AP4E1: variants seen among roughly 807,000 people sequenced by gnomAD.
The protein encoded by AP4E1 is AP-4 complex subunit epsilon-1.
AP4E1 carries 56 observed loss-of-function variants against 128.2 expected under a neutral mutation model. That is an observed-to-expected ratio of 0.44 (90% confidence interval 0.35 to 0.55). AP4E1 has a LOEUF of 0.55. Among genes scored for constraint, AP4E1 ranks in the 20% least tolerant of loss-of-function variants. AP4E1 has a pLI of 0.00. For missense variants in AP4E1, 1,324 were observed against 1,307.7 expected, an observed-to-expected ratio of 1.01 and a Z score of -0.19; for synonymous variants, 484 against 473.1, an observed-to-expected ratio of 1.02 and a Z score of -0.30.
At chr15:50,935,293 G>A (rs2141165805) in intron 8 of AP4E1, among the ~76,000 whole-genome samples, 1 of 152,066 alleles carries the variant, frequency 6.6e-6, no homozygotes, top group East Asian at 1.9e-4. Flanking sequence ...TATTTAAGAA[G>A]ACATCTGAAG....
intron 13 of AP4E1, among the ~76,000 whole-genome samples, chr15:50,953,658 G>A (rs1055254681): frequency 6.6e-6 from 1 of 152,100 alleles, no homozygotes; most frequent in Non-Finnish European, 1.5e-5. Flanking sequence ...CTTAATCATG[G>A]CCCCACAGCA....
At chr15:50,940,766 C>T (rs1208658072) in intron 8 of AP4E1, among the ~76,000 whole-genome samples, 3 of 152,086 alleles carry the variant, frequency 2.0e-5, no homozygotes, top group Non-Finnish European at 4.4e-5. Context: ...TGATCATTCA[C>T]TTTGATCATC....
chr15:50,989,453 A>G (rs2064774331), intron 16 of AP4E1, among the ~76,000 whole-genome samples: 1 of 152,116 alleles, frequency 6.6e-6, no homozygotes, highest in Non-Finnish European at 1.5e-5. Context: ...AATATGTTGA[A>G]TGAAATGGCA....
At chr15:50,926,663 A>T (rs1473518536) in intron 5 of AP4E1, among the ~76,000 whole-genome samples, 1 of 149,626 alleles carries the variant, frequency 6.7e-6, no homozygotes, top group Non-Finnish European at 1.5e-5. Flanking sequence ...CAGTGGTGTG[A>T]TCTTGGCTCA....
chr15:50,916,772 A>G (rs1338836593), intron 3 of AP4E1, among the ~76,000 whole-genome samples: 1 of 152,096 alleles, frequency 6.6e-6, no homozygotes, highest in Non-Finnish European at 1.5e-5. Context: ...CTCTCTTTCC[A>G]TATTCCAAAT....
chr15:50,984,820 C>T (rs1443743168), intron 16 of AP4E1, among the ~76,000 whole-genome samples: 4 of 152,110 alleles, frequency 2.6e-5, no homozygotes, highest in African/African-American at 9.7e-5. Context: ...TGGGTATATA[C>T]CCAGTAATGG....
intron 3 of AP4E1, chr15:50,918,011 G>A (rs1243483458): frequency 1.3e-5 from 2 of 152,636 alleles, no homozygotes; most frequent in Non-Finnish European, 2.9e-5. Context: ...GAGGTGGGAG[G>A]ATGGCTTGTG....
At chr15:50,916,862 T>G (rs1440795240) in intron 3 of AP4E1, among the ~76,000 whole-genome samples, 1 of 152,254 alleles carries the variant, frequency 6.6e-6, no homozygotes, top group Non-Finnish European at 1.5e-5. Context: ...TATTAATGTC[T>G]TAGCTCCTGA....
chr15:50,908,835 C>T lies in AP4E1; in HGVS notation c.57C>T (p.Asn19=). 6.2e-7 allele frequency: 1 copy of T among 1,607,838 alleles called. No individual in the cohort carries two copies. Among genetic ancestry groups the T allele is most frequent in the African/African-American group, 1.3e-5 (1 of 74,976 alleles). ...LTALPGLFLQ[N]QPGGGPAAAK... ...CGCTGCCGGGACTCTTTCTGCAGAA[C>T]CAGCCCGGTGGTGGGCCCGCGGCCG... Residue 19 remains asparagine (N), a synonymous_variant, in exon 1 of 21, where the codon AAC becomes AAT. Transcript: ENST00000261842.
rs537292884 is a variant in AP4E1 at position 50,968,512 on chromosome 15, G to A, written c.1966+135G>A. 2.3e-4 allele frequency: 181 copies of A among 789,854 alleles called. 1 individual carries two copies. The highest frequency in any genetic ancestry group is 3.4e-4 in the Middle Eastern group (1 of 2,974). 48.9% of individuals were successfully genotyped at this position (789,854 alleles called of 1,614,324 possible). A position where few individuals can be genotyped will look rare whatever the true frequency, so the allele number is the denominator to read the frequency against. The stretch of plus-strand genomic sequence containing the variant: ...ATGATTCACTTGTGATTTGTTTGCC[G>A]TGACTAGGTTTTCAGATATCCAGAG... On this transcript the variant is annotated intron_variant, in intron 15 of 20. Transcript: ENST00000261842.
Position 50,915,479 on chromosome 15 carries a change from T to G in AP4E1, c.254T>G (p.Ile85Arg). 6.2e-7 allele frequency: 1 copy of G among 1,613,438 alleles called. No homozygotes were observed. Among genetic ancestry groups the G allele is most frequent in the Non-Finnish European group, 8.5e-7 (1 of 1,179,580 alleles). The part of the protein sequence containing the change: ...KMMKECMVRL[I>R]YCEMLGYDAS... Reference sequence around the variant, plus strand: ...ATGAAGGAATGTATGGTGAGACTTATATATTGTGAAATGCTTGGATATGAT... The same window carrying G: ...ATGAAGGAATGTATGGTGAGACTTAGATATTGTGAAATGCTTGGATATGAT... Residue 85 changes from isoleucine to arginine, a missense_variant, in exon 3 of 21, where the codon ATA becomes AGA. Coordinates refer to ENST00000261842, the MANE Select transcript of AP4E1 (RefSeq NM_007347.5).
At chr15:50,916,914 G>A (rs1334636967) in intron 3 of AP4E1, among the ~76,000 whole-genome samples, 1 of 151,602 alleles carries the variant, frequency 6.6e-6, no homozygotes, top group Non-Finnish European at 1.5e-5. Flanking sequence ...TTTTTTTCGA[G>A]GCTTCAAATT....
chr15:50,950,816 G>T (rs570987264), intron 13 of AP4E1, among the ~76,000 whole-genome samples: 13 of 152,096 alleles, frequency 8.5e-5, no homozygotes, highest in African/African-American at 2.9e-4. Context: ...GTTCCCCTCC[G>T]TGTGTCCTAT....
intron 6 of AP4E1, 137 bp from the exon 7 acceptor site, chr15:50,930,668 A>G: frequency 1.2e-6 from 1 of 856,886 alleles, no homozygotes; most frequent in Non-Finnish European, 1.8e-6. Context: ...GATATTATAC[A>G]TATTAGAGCA....
chr15:50,945,747 G>A, intron 10 of AP4E1: 1 of 770,128 alleles, frequency 1.3e-6, no homozygotes, highest in Non-Finnish European at 2.4e-6. Flanking sequence ...AATTTGGTGT[G>A]CTTACATCAT....
intron 2 of AP4E1, 30 bp downstream of exon 2, chr15:50,912,179 T>A: frequency 2.6e-6 from 4 of 1,559,686 alleles, no homozygotes; most frequent in Non-Finnish European, 3.5e-6. Context: ...GCCAACACAT[T>A]TGAATTTGAA....
upstream of AP4E1, chr15:50,908,629 G>A (rs1212225260): frequency 1.9e-6 from 2 of 1,077,038 alleles, no homozygotes; most frequent in African/African-American, 1.7e-5. Context: ...CGAGAACGAC[G>A]CTGAACTTGT....
intron 5 of AP4E1, 73 bp from the exon 6 acceptor site, chr15:50,928,936 T>C: frequency 7.0e-7 from 1 of 1,434,136 alleles, no homozygotes; most frequent in Non-Finnish European, 9.7e-7. Context: ...TGAAATCATC[T>C]GGCCTATAAT....
chr15:50,930,257 G>C (rs1251947605), intron 6 of AP4E1, among the ~76,000 whole-genome samples: 2 of 137,472 alleles, frequency 1.5e-5, no homozygotes, highest in Non-Finnish European at 3.1e-5. Context: ...AGTAGAACCA[G>C]GGTTTCACCA....
Sources: allele counts gnomAD v4.1 joint callset (sites outside exome capture counted in the v4.1 genomes callset), GRCh38; gene constraint gnomAD v4.1.1; transcripts MANE v1.5; gene names NCBI Gene and HGNC (gene_info 2026-07-23, HGNC 2026-07-21).